POU6F2: variants seen among roughly 807,000 people sequenced by gnomAD.
POU6F2 encodes the protein POU domain, class 6, transcription factor 2.
In POU6F2, 31 loss-of-function variants were observed where a neutral mutation model predicts 71.3. The ratio of observed to expected loss-of-function variants is 0.43; its 90% CI spans 0.33 to 0.59. The LOEUF (loss-of-function observed/expected upper bound fraction) is 0.59. POU6F2 is among the 20% of genes least tolerant of loss of function. POU6F2 has a pLI of 0.04. For missense variants in POU6F2, 783 were observed against 856.8 expected (o/e 0.91, Z 1.07); for synonymous variants, 347 against 355.7 (o/e 0.98, Z 0.27).
chr7:39,446,145 G>A (rs1239764896), intron 7 of POU6F2, among the ~76,000 whole-genome samples: 1 of 152,216 alleles, frequency 6.6e-6, no homozygotes, highest in African/African-American at 2.4e-5. Context: ...GGGCAGGCAG[G>A]GAGGGCAAGT....
chr7:39,063,445 A>G (rs1031217963), intron 1 of POU6F2, among the ~76,000 whole-genome samples: 1 of 152,238 alleles, frequency 6.6e-6, no homozygotes, highest in Non-Finnish European at 1.5e-5. Context: ...AGATGAAAGT[A>G]TAGGCTTCCA....
chr7:39,168,231 T>C (rs997988477), intron 2 of POU6F2, among the ~76,000 whole-genome samples: 2 of 152,214 alleles, frequency 1.3e-5, no homozygotes, highest in Non-Finnish European at 2.9e-5. Context: ...AAATGCGCTT[T>C]GTATTTGTGT....
chr7:39,330,145 G>A (rs150189104), intron 4 of POU6F2, among the ~76,000 whole-genome samples: 5 of 152,210 alleles, frequency 3.3e-5, no homozygotes, highest in East Asian at 3.9e-4. Flanking sequence ...GTTTACCTCC[G>A]TATTTCCAAA....
At chr7:39,172,196 T>C in intron 2 of POU6F2, among the ~76,000 whole-genome samples, 1 of 152,306 alleles carries the variant, frequency 6.6e-6, no homozygotes, top group Non-Finnish European at 1.5e-5. Context: ...TTTAAGATAA[T>C]ATTATATATT....
chr7:39,204,300 C>T lies in POU6F2; in HGVS notation c.343C>T (p.His115Tyr). ...TPDQHQASQT[H>Y]PPFPVGPQPL... ...TGACCAACACCAGGCCAGTCAGACC[C>T]ACCCCCCATTTCCAGTTGGGCCACA... Residue 115 changes from histidine (H) to tyrosine (Y), a missense_variant, in exon 3 of 10, where the codon CAC (histidine) becomes TAC (tyrosine). Transcript: ENST00000518318. The T allele has an allele frequency of 6.2e-7, 1 of 1,613,770 alleles. No homozygotes were observed. The highest frequency in any genetic ancestry group is 1.3e-5 in the African/African-American group (1 of 75,014).
intron 2 of POU6F2, among the ~76,000 whole-genome samples, chr7:39,094,649 A>G (rs992702817): frequency 1.3e-5 from 2 of 152,122 alleles, no homozygotes; most frequent in Non-Finnish European, 2.9e-5. Context: ...GGCAAGATTT[A>G]TTTTTACAAA....
intron 5 of POU6F2, among the ~76,000 whole-genome samples, chr7:39,375,779 G>C (rs1465532088): frequency 6.6e-6 from 1 of 152,198 alleles, no homozygotes; most frequent in Non-Finnish European, 1.5e-5. Context: ...CATACCCAGA[G>C]CTGTCCTGTG....
At chr7:39,028,109 T>C (rs1230294739) in intron 1 of POU6F2, among the ~76,000 whole-genome samples, 3 of 152,136 alleles carry the variant, frequency 2.0e-5, no homozygotes, top group Non-Finnish European at 2.9e-5. Flanking sequence ...ATTTTTTTCA[T>C]ATATTTATTT....
rs114714426 is a variant in POU6F2 at position 39,399,092 on chromosome 7, G to C, written c.973-7508G>C. ...AAGACACATTTCTGAGCAACTCTGT[G>C]CTGCCTCTTCCAGATCTCTCTAAAC... On this transcript the variant is annotated intron_variant, in intron 5 of 9. Coordinates refer to ENST00000518318, the MANE Select transcript of POU6F2 (RefSeq NM_001370959.1). 5.4e-4 allele frequency among the ~76,000 whole-genome samples: 82 copies of C among 152,260 alleles called. No individual in the cohort carries two copies. In the Middle Eastern group the frequency reaches 0.01, roughly 19 times the overall value.
intron 1 of POU6F2, among the ~76,000 whole-genome samples, chr7:39,004,537 G>A (rs1370498128): frequency 6.6e-6 from 1 of 152,212 alleles, no homozygotes; most frequent in African/African-American, 2.4e-5. Flanking sequence ...GGACCTCTGA[G>A]TTAGAGGAAG....
At chr7:38,993,344 T>TA (rs1387682223) in intron 1 of POU6F2, among the ~76,000 whole-genome samples, 3 of 152,174 alleles carry the variant, frequency 2.0e-5, no homozygotes, top group Admixed American at 1.3e-4. Flanking sequence ...ACTAGATCAG[T>TA]AAAAAATGCA....
chr7:39,123,720 C>T (rs1792089551), intron 2 of POU6F2, among the ~76,000 whole-genome samples: 1 of 151,870 alleles, frequency 6.6e-6, no homozygotes, highest in African/African-American at 2.4e-5. Context: ...TGCACTGCCT[C>T]ATAGCAATGA....
At chr7:39,075,150 G>A (rs1378628459) in intron 1 of POU6F2, among the ~76,000 whole-genome samples, 1 of 152,162 alleles carries the variant, frequency 6.6e-6, no homozygotes, top group Non-Finnish European at 1.5e-5. Flanking sequence ...GCTAGACCAG[G>A]AAGCACCTGG....
chr7:39,125,642 A>AGG lies in POU6F2; in HGVS notation c.277+39612_277+39613dup, dbSNP rs558550263. 5.3e-5 allele frequency among the ~76,000 whole-genome samples: 8 copies of AGG among 152,290 alleles called. No homozygotes were observed. The East Asian group carries it at 1.5e-3, about 29-fold the overall frequency. On this transcript the variant is annotated intron_variant, in intron 2 of 9. Coordinates refer to ENST00000518318, the MANE Select transcript of POU6F2 (RefSeq NM_001370959.1). ...TCAAAAAAGAGAGCAAGAAAGAGAG[A>AGG]GGAGGAAGCATAAAGAAAGCCCATT...
chr7:39,091,381 C>T (rs1474302559), intron 2 of POU6F2, among the ~76,000 whole-genome samples: 1 of 152,098 alleles, frequency 6.6e-6, no homozygotes, highest in African/African-American at 2.4e-5. Flanking sequence ...ATTGCAGTGT[C>T]CAAGGATACT....
intron 5 of POU6F2, chr7:39,404,556 T>C (rs1583577378): frequency 6.6e-6 from 1 of 152,216 alleles, no homozygotes; most frequent in Non-Finnish European, 1.5e-5. Flanking sequence ...ATGGACCAAA[T>C]CCATAGTCAA....
chr7:39,137,418 A>G lies in POU6F2; in HGVS notation c.277+51387A>G, dbSNP rs1457457555. On this transcript the variant is annotated intron_variant, in intron 2 of 9. Transcript: ENST00000518318. ...GAAATTATTTAAAAAGTATGATTTG[A>G]ATGACCCAAATATATTGTTAAGTGA... 4.6e-5 allele frequency among the ~76,000 whole-genome samples: 7 copies of G among 152,228 alleles called. No individual in the cohort carries two copies. In the East Asian group the frequency reaches 1.2e-3, roughly 25 times the overall value.
chr7:39,335,800 TC>T (rs1167781567), intron 4 of POU6F2, among the ~76,000 whole-genome samples: 1 of 152,202 alleles, frequency 6.6e-6, no homozygotes, highest in East Asian at 1.9e-4. Flanking sequence ...TTCCAAGTCT[TC>T]CCCAGCATTT....
intron 5 of POU6F2, among the ~76,000 whole-genome samples, chr7:39,379,005 G>A (rs1786768039): frequency 6.6e-6 from 1 of 152,096 alleles, no homozygotes; most frequent in South Asian, 2.1e-4. Context: ...AATAGTCCAA[G>A]GTCTAGTGGA....
Sources: gnomAD v4.1 joint callset for allele counts (sites outside exome capture counted in the v4.1 genomes callset) on GRCh38, gnomAD v4.1.1 for gene constraint, MANE v1.5 for transcripts, NCBI Gene and HGNC (gene_info 2026-07-23, HGNC 2026-07-21) for gene names.